A2ML1: variants seen among roughly 807,000 people sequenced by gnomAD.
The protein encoded by A2ML1 is alpha-2-macroglobulin-like protein 1.
A2ML1 carries 161 observed loss-of-function variants against 181.9 expected under a neutral mutation model. The observed-to-expected ratio is 0.89, with a 90% CI of 0.78 to 1.01. The LOEUF is 1.01. Ranked by LOEUF, A2ML1 falls within the 50% of genes least tolerant of loss-of-function variation. A2ML1 has a pLI of 0.00. For synonymous variants in A2ML1, 663 were observed against 666.8 expected (o/e 0.99, Z 0.09); for missense variants, 1,670 against 1,768.1 (o/e 0.94, Z 1.00).
At chr12:8,854,043 T>C in intron 20 of A2ML1, 85 bp from the exon 21 acceptor site, 1 of 1,438,316 alleles carries the variant, frequency 7.0e-7, no homozygotes, top group Non-Finnish European at 9.2e-7. Flanking sequence ...CCATTAAAGT[T>C]TCAGAAATGC....
Position 8,869,514 on chromosome 12 carries a change from C to A in A2ML1, c.4221+311C>A, listed in dbSNP as rs764642857. On this transcript the variant is annotated intron_variant, in intron 33 of 35. Coordinates refer to ENST00000299698, the MANE Select transcript of A2ML1 (RefSeq NM_144670.6). ...GGTATATTTTATGCAAGCTTATACA[C>A]CCCAAATATTTCCATTTTACCATAC... Among the ~76,000 whole-genome samples, 5 of 152,192 alleles carry A rather than the reference C, an allele frequency of 3.3e-5. No homozygotes were observed. The South Asian group carries it at 1.0e-3, about 32-fold the overall frequency.
At chr12:8,874,559 A>G (rs1433690698) in intron 34 of A2ML1, 32 bp downstream of exon 34, 3 of 1,526,884 alleles carry the variant, frequency 2.0e-6, no homozygotes, top group Non-Finnish European at 2.7e-6. Context: ...GAGATCTGAG[A>G]TCTTACCTGC....
intron 7 of A2ML1, among the ~76,000 whole-genome samples, chr12:8,884,882 C>T (rs955481488): frequency 3.3e-5 from 5 of 152,178 alleles, no homozygotes; most frequent in Non-Finnish European, 7.3e-5. Context: ...CATAGTATTC[C>T]GTGGTTTATA....
chr12:8,867,991 T>C lies in A2ML1; in HGVS notation c.3867T>C (p.Asp1289=), dbSNP rs749042966. 2.5e-6 allele frequency: 4 copies of C among 1,614,254 alleles called. No individual in the cohort carries two copies. In the South Asian group the frequency reaches 4.4e-5, roughly 18 times the overall value. ...TTAACAGATTGGTATTTCAGCAGGATACCCTGCCCAATGTCCCTGGAATGT... is the reference window on the plus strand; with the variant it reads ...TTAACAGATTGGTATTTCAGCAGGACACCCTGCCCAATGTCCCTGGAATGT... ...QSVNRLVFQQ[D]TLPNVPGMYT... The change falls in exon 30 of 36, where the codon GAT becomes GAC. Residue 1289 remains aspartate, a synonymous_variant. Coordinates refer to ENST00000299698, the MANE Select transcript of A2ML1 (RefSeq NM_144670.6).
intron 35 of A2ML1, chr12:8,875,329 C>T (rs954723539): frequency 1.3e-5 from 3 of 228,144 alleles, no homozygotes; most frequent in East Asian, 1.0e-4. Context: ...CTGCCCACCT[C>T]GGCCTCCCAA....
intron 9 of A2ML1, 48 bp downstream of exon 9, chr12:8,838,498 G>A (rs754343088): frequency 6.8e-7 from 1 of 1,474,118 alleles, no homozygotes; most frequent in Non-Finnish European, 9.4e-7. Context: ...AAGAAAAAGG[G>A]CTGGTCCCAG....
chr12:8,869,870 TA>T (rs1335023863), intron 33 of A2ML1, among the ~76,000 whole-genome samples: 1 of 152,200 alleles, frequency 6.6e-6, no homozygotes, highest in African/African-American at 2.4e-5. Flanking sequence ...CTAAATTATT[TA>T]AGACATGTAA....
intron 4 of A2ML1, among the ~76,000 whole-genome samples, chr12:8,834,253 G>C (rs943502430): frequency 6.6e-6 from 1 of 152,204 alleles, no homozygotes; most frequent in African/African-American, 2.4e-5. Context: ...CAAGCATTCA[G>C]ATGGTAAAGG....
At chr12:8,843,477 A>C in intron 12 of A2ML1, 116 bp downstream of exon 12, 1 of 890,416 alleles carries the variant, frequency 1.1e-6, no homozygotes, top group Non-Finnish European at 1.6e-6. Flanking sequence ...CTAATTAAAA[A>C]CAATTTTAAA....
intron 4 of A2ML1, 125 bp from the exon 5 acceptor site, chr12:8,834,537 A>G: frequency 8.4e-7 from 1 of 1,193,536 alleles, no homozygotes; most frequent in Non-Finnish European, 1.2e-6. Flanking sequence ...GCCATTTAGA[A>G]AGGAAGAAAT....
In A2ML1 at chr12:8,868,022, T is replaced by G; in HGVS notation, c.3898T>G (p.Leu1300Val). Residue 1300 changes from leucine to valine, a missense_variant, in exon 30 of 36, where the codon TTG becomes GTG. By Grantham distance (32) the Leu-to-Val change is conservative. Coordinates refer to ENST00000299698, the MANE Select transcript of A2ML1 (RefSeq NM_144670.6). ...TLPNVPGMYT[L>V]EASGQGCVYV... ...GCCCAATGTCCCTGGAATGTACACG[T>G]TGGAGGCCTCAGGCCAGGGCTGTGT... 1 of 1,614,210 alleles carries G rather than the reference T, an allele frequency of 6.2e-7. No homozygotes were observed.
At chr12:8,872,448 A>T (rs187518247) in intron 33 of A2ML1, among the ~76,000 whole-genome samples, 7 of 152,192 alleles carry the variant, frequency 4.6e-5, no homozygotes, top group Admixed American at 3.3e-4. Context: ...AATGATAATA[A>T]ACTCACTACA....
At position 8,854,781 on chromosome 12, in the gene A2ML1, C is replaced by A. The variant is rs1391879175; in HGVS notation, c.2714C>A (p.Pro905His). Reference sequence around the variant, plus strand: ...TATCTGTGTCTCTCTTCATCGCAGCCTGAGGGAGTCCTGGTGGAGAAGACA... The same window carrying A: ...TATCTGTGTCTCTCTTCATCGCAGCATGAGGGAGTCCTGGTGGAGAAGACA... ...DTLIKPVLVK[P>H]EGVLVEKTHS... The change falls in exon 22 of 36, where the codon CCT (proline) becomes CAT (histidine). Residue 905 changes from proline (P) to histidine (H), a missense_variant and splice_region_variant. Coordinates refer to ENST00000299698, the MANE Select transcript of A2ML1 (RefSeq NM_144670.6). The A allele has an allele frequency of 6.2e-7, 1 of 1,614,092 alleles. No individual in the cohort carries two copies. The highest frequency in any genetic ancestry group is 1.1e-5 in the South Asian group (1 of 91,076).
chr12:8,843,124 T>C lies in A2ML1; in HGVS notation c.1249-10T>C. ...CATGCTAAAATTCTCTCTCTCTCTT[T>C]TATTCTCAGGGAAAGTTTCAAATGG... is the stretch of plus-strand genomic sequence containing the variant. On this transcript the variant is annotated splice_polypyrimidine_tract_variant and intron_variant, in intron 11 of 35. Coordinates refer to ENST00000299698, the MANE Select transcript of A2ML1 (RefSeq NM_144670.6). 2 of 1,612,982 alleles carry C rather than the reference T, an allele frequency of 1.2e-6. No individual in the cohort carries two copies. The highest frequency in any genetic ancestry group is 1.7e-5 in the Admixed American group (1 of 60,006).
In A2ML1 at chr12:8,841,470, T is replaced by C. The variant is rs767616238; in HGVS notation, c.1182T>C (p.Asp394=). The C allele has an allele frequency of 6.8e-6, 11 of 1,614,182 alleles. No individual in the cohort carries two copies. In the African/African-American group the frequency reaches 9.3e-5, roughly 14 times the overall value. ...NGTFNQTLVT[D]NNGLAPFTLE... The stretch of plus-strand genomic sequence containing the variant: ...CCTTCAACCAGACCCTGGTTACTGA[T>C]AACAATGGCCTAGCTCCCTTTACCT... Residue 394 remains aspartate (D), a synonymous_variant, in exon 11 of 36, where the codon GAT becomes GAC. Coordinates refer to ENST00000299698, the MANE Select transcript of A2ML1 (RefSeq NM_144670.6).
chr12:8,833,076 G>T (rs1214111404), intron 4 of A2ML1, among the ~76,000 whole-genome samples: 1 of 150,390 alleles, frequency 6.6e-6, no homozygotes, highest in African/African-American at 2.4e-5. Flanking sequence ...TGGGTTCAAA[G>T]GATTCTCCCG....
intron 23 of A2ML1, among the ~76,000 whole-genome samples, chr12:8,856,515 T>A (rs11047620): frequency 1.3e-5 from 2 of 152,094 alleles, no homozygotes; most frequent in South Asian, 4.1e-4. Context: ...TTGGGAAGTA[T>A]ATGAAGGGGT....
In A2ML1 at chr12:8,858,049, C is replaced by T. The variant is rs778176693; in HGVS notation, c.3211C>T (p.Leu1071Phe). 2 of 1,614,178 alleles carry T rather than the reference C, an allele frequency of 1.2e-6. No homozygotes were observed. The highest frequency in any genetic ancestry group is 1.7e-6 in the Non-Finnish European group (2 of 1,180,034). Residue 1071 changes from leucine (L) to phenylalanine (F), a missense_variant, in exon 26 of 36, where the codon CTC becomes TTC. Coordinates refer to ENST00000299698, the MANE Select transcript of A2ML1 (RefSeq NM_144670.6). ...DALKWMAGNQ[L>F]PSGCYANVGN... ...TCTCAAGTGGATGGCAGGAAACCAG[C>T]TCCCCAGTGGCTGCTATGCCAACGT...
chr12:8,886,037 C>CACACAT (rs1944919503), intron 7 of A2ML1, among the ~76,000 whole-genome samples: 1 of 151,198 alleles, frequency 6.6e-6, no homozygotes, highest in Admixed American at 6.6e-5. Context: ...CACACACACA[C>CACACAT]ACACACACTA....
Sources: gnomAD v4.1 joint callset for allele counts (sites outside exome capture counted in the v4.1 genomes callset) on GRCh38, gnomAD v4.1.1 for gene constraint, MANE v1.5 for transcripts, NCBI Gene and HGNC (gene_info 2026-07-23, HGNC 2026-07-21) for gene names.